Variants in TP53I13 observed in about 807,000 individuals in gnomAD.
TP53I13 encodes the protein tumor protein p53-inducible protein 13.
Under a neutral mutation model 39.1 loss-of-function variants are expected in TP53I13, and 27 were observed. The ratio of observed to expected loss-of-function variants is 0.69; its 90% confidence interval spans 0.51 to 0.95. The LOEUF (loss-of-function observed/expected upper bound fraction) is 0.95. TP53I13 is among the 40% of genes least tolerant of loss of function. TP53I13 has a pLI of 0.00. For synonymous variants in TP53I13, 230 were observed against 224.6 expected, an observed-to-expected ratio of 1.02 and a Z score of -0.22; for missense variants, 544 against 520.4, an observed-to-expected ratio of 1.05 and a Z score of -0.44.
rs1445171120 is a variant in TP53I13 at position 29,572,943 on chromosome 17, T to A, written c.*19T>A. 7.0e-6 allele frequency: 10 copies of A among 1,424,440 alleles called. No homozygotes were observed. Among genetic ancestry groups the A allele is most frequent in the Non-Finnish European group, 9.1e-6 (10 of 1,093,484 alleles). The allele number at this position is 1,424,440 out of a possible 1,614,324, so 88.2% of individuals were successfully genotyped here. A position where few individuals can be genotyped will look rare whatever the true frequency, so the allele number is the denominator to read the frequency against. On this transcript the variant is annotated 3_prime_UTR_variant, in exon 7 of 7. Coordinates refer to ENST00000301057, the MANE Select transcript of TP53I13 (RefSeq NM_138349.4). ...GGAGTGACGGCCTGGGACCTGCCAC[T>A]GTGGCGTGCGGCTCCTCCCCGCGCC...
chr17:29,581,674 G>A, the TP53I13 span: 48 of 1,255,620 alleles, frequency 3.8e-5, no homozygotes, highest in Admixed American at 1.2e-4. The surrounding 1 kb of genome is among the most constrained non-coding windows in gnomAD (Gnocchi z 4.8). Flanking sequence ...TGCCGGGTGC[G>A]TCCAGGTCCC....
the TP53I13 span, chr17:29,581,727 C>A: frequency 1.9e-6 from 3 of 1,603,402 alleles, no homozygotes; most frequent in Non-Finnish European, 2.6e-6. The surrounding 1 kb of genome is among the most constrained non-coding windows in gnomAD (Gnocchi z 4.8). Context: ...CAGGCGCCCC[C>A]CAAGCTCTGC....
At chr17:29,567,569 G>C (rs1057379865), upstream of TP53I13, 3 of 152,092 alleles carry the variant, frequency 2.0e-5, no homozygotes, top group African/African-American at 7.2e-5. The surrounding 1 kb of genome is among the most constrained non-coding windows in gnomAD (Gnocchi z 6.6). Flanking sequence ...TAGAGAGGTC[G>C]AGCGCGGCGT....
downstream of TP53I13, chr17:29,577,215 T>G: frequency 6.2e-7 from 1 of 1,613,890 alleles, no homozygotes; most frequent in Non-Finnish European, 8.5e-7. Flanking sequence ...TGGCAAACTC[T>G]CGGGCATTAA....
At chr17:29,581,488 G>C in the TP53I13 span, 10 of 940,864 alleles carry the variant, frequency 1.1e-5, no homozygotes, top group African/African-American at 1.6e-5. The surrounding 1 kb of genome is among the most constrained non-coding windows in gnomAD (Gnocchi z 4.8). Context: ...AGTGTCAGGG[G>C]AAAGTGGGGA....
chr17:29,578,643 A>G, the TP53I13 span: 1 of 1,204,836 alleles, frequency 8.3e-7, no homozygotes, highest in Non-Finnish European at 1.2e-6. Flanking sequence ...AAGGTCATCG[A>G]GTCAGAGGCA....
At chr17:29,566,877 C>T (rs2032729388), upstream of TP53I13, 1 of 1,497,824 alleles carries the variant, frequency 6.7e-7, no homozygotes, top group African/African-American at 1.5e-5. Flanking sequence ...CGACGGCGCG[C>T]CCCCAGGGTC....
downstream of TP53I13, chr17:29,576,572 T>C: frequency 6.2e-7 from 1 of 1,613,630 alleles, no homozygotes; most frequent in Non-Finnish European, 8.5e-7. Context: ...TTGACCTTCA[T>C]GAGCTGCTGC....
chr17:29,576,011 C>G, downstream of TP53I13: 2 of 1,575,334 alleles, frequency 1.3e-6, no homozygotes, highest in South Asian at 1.1e-5. Context: ...GAATTCAGCA[C>G]AGAGCCCAGA....
chr17:29,574,545 A>G (rs980897929), downstream of TP53I13: 3 of 704,002 alleles, frequency 4.3e-6, no homozygotes, highest in African/African-American at 1.8e-5. Context: ...GGGGCTCGAC[A>G]GGGGTGGGCA....
At chr17:29,574,298 C>T (rs547730491), downstream of TP53I13, 70 of 238,332 alleles carry the variant, frequency 2.9e-4, no homozygotes, top group Non-Finnish European at 5.4e-4. Flanking sequence ...GGGATGCCCC[C>T]GCTCAGCCCC....
the TP53I13 span, chr17:29,581,607 A>C: frequency 5.5e-6 from 4 of 732,268 alleles, no homozygotes; most frequent in Non-Finnish European, 7.0e-6. This position sits in a 1 kb window ranked among gnomAD's most constrained non-coding sequence, Gnocchi z 4.8. Flanking sequence ...GTAATTTCAC[A>C]GGAGCCAGTT....
chr17:29,576,527 G>C (rs1264777225), downstream of TP53I13: 1 of 1,613,840 alleles, frequency 6.2e-7, no homozygotes, highest in South Asian at 1.1e-5. Flanking sequence ...CTCACCTCTC[G>C]CTGCAGCCTC....
chr17:29,575,497 A>G, downstream of TP53I13: 2 of 1,589,790 alleles, frequency 1.3e-6, no homozygotes, highest in Non-Finnish European at 1.7e-6. The surrounding 1 kb of genome is among the most constrained non-coding windows in gnomAD (Gnocchi z 5.5). Context: ...GAAAACAGAG[A>G]CAAAGATACA....
chr17:29,575,653 C>T (rs934581126), downstream of TP53I13: 11 of 1,612,180 alleles, frequency 6.8e-6, no homozygotes, highest in East Asian at 2.2e-5. The surrounding 1 kb of genome is among the most constrained non-coding windows in gnomAD (Gnocchi z 5.5). Flanking sequence ...CCCCACTTTG[C>T]GTGTTCTCAT....
chr17:29,581,660 C>A, the TP53I13 span: 1 of 1,076,920 alleles, frequency 9.3e-7, no homozygotes, highest in Non-Finnish European at 1.4e-6. The surrounding 1 kb of genome is among the most constrained non-coding windows in gnomAD (Gnocchi z 4.8). Context: ...ACCATGGCAC[C>A]TGCTGCCGGG....
Position 29,569,281 on chromosome 17 carries a change from C to G in TP53I13, c.142-37C>G, listed in dbSNP as rs747076650. 2.9e-5 allele frequency: 47 copies of G among 1,609,640 alleles called. No individual in the cohort carries two copies. The Admixed American group carries it at 5.2e-4, about 18-fold the overall frequency. ...CCCCACCACACACACACGGAGTCCC[C>G]CAACTGCCCTAAGCTCTGTTCTTTC... On this transcript the variant is annotated intron_variant, in intron 2 of 6. Coordinates refer to ENST00000301057, the MANE Select transcript of TP53I13 (RefSeq NM_138349.4).
At chr17:29,573,706 G>T (rs554216237), downstream of TP53I13, 1 of 152,724 alleles carries the variant, frequency 6.5e-6, no homozygotes, top group South Asian at 2.1e-4. Context: ...GCCTTGCAGA[G>T]GTTACGGGGA....
downstream of TP53I13, chr17:29,577,660 T>C (rs1326041044): frequency 6.2e-7 from 1 of 1,608,080 alleles, no homozygotes; most frequent in Non-Finnish European, 8.5e-7. Flanking sequence ...TCCGCGTGGC[T>C]GAGTATTCCG....
Sources: gnomAD v4.1 joint callset for allele counts on GRCh38, gnomAD v4.1.1 for gene constraint, Gnocchi (gnomAD v3.1) non-coding constraint, MANE v1.5 for transcripts, NCBI Gene and HGNC (gene_info 2026-07-23, HGNC 2026-07-21) for gene names.